NAV3: variants seen among roughly 807,000 people sequenced by gnomAD.
NAV3 encodes the protein pore membrane and/or filament interacting like protein 1.
NAV3 carries 87 observed loss-of-function variants against 244.7 expected under a neutral mutation model. That is an observed-to-expected ratio of 0.36 (90% CI 0.30 to 0.42). The LOEUF (loss-of-function observed/expected upper bound fraction) is 0.42. Among genes scored for constraint, NAV3 ranks in the 20% least tolerant of loss-of-function variants. The pLI is 1.00. For synonymous variants in NAV3, 1,126 were observed against 1,042.2 expected, an observed-to-expected ratio of 1.08 and a Z score of -1.55; for missense variants, 2,663 against 2,893.3, an observed-to-expected ratio of 0.92 and a Z score of 1.83.
intron 2 of NAV3, among the ~76,000 whole-genome samples, chr12:77,723,360 GTT>G (rs11346345): frequency 4.0e-5 from 6 of 150,386 alleles, no homozygotes; most frequent in South Asian, 2.1e-4. Flanking sequence ...TTATTGAAAA[GTT>G]TTTTTTTTTA....
At chr12:77,920,637 G>A (rs1887621209) in intron 1 of NAV3, among the ~76,000 whole-genome samples, 1 of 151,928 alleles carries the variant, frequency 6.6e-6, no homozygotes, top group East Asian at 1.9e-4. Context: ...ACAAGCCTTT[G>A]AATTTACTTT....
At chr12:78,145,393 A>G (rs934664228) in intron 20 of NAV3, among the ~76,000 whole-genome samples, 1 of 152,056 alleles carries the variant, frequency 6.6e-6, no homozygotes, top group South Asian at 2.1e-4. Context: ...AAAGAAAAGC[A>G]GTAAAAAACA....
intron 2 of NAV3, among the ~76,000 whole-genome samples, chr12:77,723,929 G>A (rs1455733374): frequency 2.0e-5 from 3 of 151,498 alleles, no homozygotes; most frequent in South Asian, 2.1e-4. Flanking sequence ...ATGAATATGC[G>A]TGTTCATTCG....
At chr12:77,704,884 T>G (rs954949808) in intron 2 of NAV3, among the ~76,000 whole-genome samples, 1 of 152,238 alleles carries the variant, frequency 6.6e-6, no homozygotes, top group Admixed American at 6.5e-5. Flanking sequence ...CACTTCACTG[T>G]GGGTTTCCCC....
At chr12:77,973,434 G>T (rs1893172353) in intron 5 of NAV3, among the ~76,000 whole-genome samples, 1 of 152,078 alleles carries the variant, frequency 6.6e-6, no homozygotes, top group Admixed American at 6.6e-5. Flanking sequence ...TTTTGCTTTT[G>T]ATTTTATGGG....
Position 78,006,567 on chromosome 12 carries a change from C to T in NAV3, c.1029C>T (p.Ala343=), listed in dbSNP as rs781646625. The change falls in exon 8 of 40, where the codon GCC becomes GCT. Residue 343 remains alanine, a synonymous_variant. Coordinates refer to ENST00000397909, the MANE Select transcript of NAV3 (RefSeq NM_001024383.2). The part of the protein sequence containing the change: ...RSKSMNVKHS[A]TSTMLTVKQS... ...AGTCCATGAATGTCAAACACAGTGC[C>T]ACCTCCACCATGTTGACTGTAAAGC... 2.5e-6 allele frequency: 4 copies of T among 1,613,946 alleles called. No individual in the cohort carries two copies. Among genetic ancestry groups the T allele is most frequent in the African/African-American group, 1.3e-5 (1 of 74,862 alleles).
At chr12:78,115,800 A>T (rs1955347752) in intron 12 of NAV3, among the ~76,000 whole-genome samples, 1 of 152,186 alleles carries the variant, frequency 6.6e-6, no homozygotes, top group African/African-American at 2.4e-5. Context: ...TATACCACAT[A>T]CCTTAGGTGT....
intron 6 of NAV3, among the ~76,000 whole-genome samples, chr12:77,996,787 A>G (rs926079289): frequency 1.3e-5 from 2 of 152,224 alleles, no homozygotes; most frequent in African/African-American, 2.4e-5. Flanking sequence ...AAAATTTTAT[A>G]AGATGATTAT....
At position 77,684,137 on chromosome 12, in the gene NAV3, T is replaced by C. The variant is rs549790200; in HGVS notation, c.72+111871T>C. 3.3e-5 allele frequency among the ~76,000 whole-genome samples: 5 copies of C among 152,256 alleles called. No individual in the cohort carries two copies. The South Asian group carries it at 6.2e-4, about 19-fold the overall frequency. ...GTTTAATTTTAGCCATTCTAATGAG[T>C]GTGAAGTGATAATCTTATTGTGGAT... On this transcript the variant is annotated intron_variant, in intron 2 of 8. Transcript: ENST00000550042.
intron 2 of NAV3, among the ~76,000 whole-genome samples, chr12:77,773,021 T>G (rs78643748): frequency 6.6e-6 from 1 of 152,166 alleles, no homozygotes; most frequent in Non-Finnish European, 1.5e-5. Flanking sequence ...GATTCTATCA[T>G]CCCAATTTTT....
chr12:77,767,775 G>A (rs916481317), intron 2 of NAV3, among the ~76,000 whole-genome samples: 1 of 152,188 alleles, frequency 6.6e-6, no homozygotes, highest in African/African-American at 2.4e-5. Context: ...CCTGGTTTGG[G>A]GAGCACCTAG....
At chr12:77,723,696 T>C (rs147448843) in intron 2 of NAV3, among the ~76,000 whole-genome samples, 223 of 151,464 alleles carry the variant, frequency 1.5e-3, no homozygotes, top group African/African-American at 4.8e-3. Flanking sequence ...CCATAGTTAG[T>C]TGATGCCCTT....
Position 78,058,981 on chromosome 12 carries a change from G to C in NAV3, c.2517-15G>C, listed in dbSNP as rs377655401. The C allele has an allele frequency of 1.8e-5, 29 of 1,578,770 alleles. No homozygotes were observed. The African/African-American group carries it at 3.8e-4, about 21-fold the overall frequency. On this transcript the variant is annotated splice_polypyrimidine_tract_variant and intron_variant, in intron 11 of 39. Transcript: ENST00000397909. ...GATTTAGTTTTCTGTGAATTAATTA[G>C]ACATTTCTTTTCAGGTACATGACAG...
intron 1 of NAV3, among the ~76,000 whole-genome samples, chr12:77,931,842 G>A (rs533065774): frequency 1.3e-5 from 2 of 152,118 alleles, no homozygotes; most frequent in East Asian, 3.9e-4. Flanking sequence ...ACGCCAGCCT[G>A]GGTGACAGAG....
rs1055678230 is a variant in NAV3, at chr12:78,128,829, A to G, written c.4404A>G (p.Ser1468=). 1.2e-6 allele frequency: 2 copies of G among 1,614,030 alleles called. No homozygotes were observed. Among genetic ancestry groups the G allele is most frequent in the Non-Finnish European group, 1.7e-6 (2 of 1,179,960 alleles). ...QSPLVSPSAM[S]SSAAGKYHFS... is the part of the protein sequence containing the mutation. ...CTCTGGTTTCCCCTTCTGCCATGTC[A>G]TCTTCTGCAGCTGGAAAATACCACT... Residue 1468 remains serine, a synonymous_variant, in exon 18 of 40, where the codon TCA becomes TCG. Coordinates refer to ENST00000397909, the MANE Select transcript of NAV3 (RefSeq NM_001024383.2).
chr12:78,160,398 T>C (rs1020193143), intron 23 of NAV3, among the ~76,000 whole-genome samples: 10 of 84,130 alleles, frequency 1.2e-4, no homozygotes, highest in East Asian at 1.2e-3. Flanking sequence ...TGTGTGTGTG[T>C]GCGTGCGTGT....
chr12:77,789,421 A>G (rs968191717), intron 2 of NAV3, among the ~76,000 whole-genome samples: 2 of 152,012 alleles, frequency 1.3e-5, no homozygotes, highest in Non-Finnish European at 2.9e-5. Context: ...ACTGTCTAGG[A>G]CAGGGGTGTC....
intron 3 of NAV3, among the ~76,000 whole-genome samples, chr12:77,965,487 C>CG (rs1450896737): frequency 1.3e-5 from 2 of 152,016 alleles, no homozygotes; most frequent in East Asian, 3.9e-4. Flanking sequence ...GGCGTGGTGG[C>CG]GTGCGCCTGT....
At chr12:77,597,380 C>T (rs973308142) in intron 2 of NAV3, among the ~76,000 whole-genome samples, 1 of 151,988 alleles carries the variant, frequency 6.6e-6, no homozygotes, top group Non-Finnish European at 1.5e-5. Context: ...GCCTTGATAT[C>T]CTCAGTGCAG....
Sources: allele counts gnomAD v4.1 joint callset (sites outside exome capture counted in the v4.1 genomes callset), GRCh38; gene constraint gnomAD v4.1.1; transcripts MANE v1.5; gene names NCBI Gene and HGNC (gene_info 2026-07-23, HGNC 2026-07-21).